The following PKM variants were observed in gnomAD, a reference collection of about 807,000 sequenced individuals.
PKM encodes the protein pyruvate kinase PKM.
In PKM, 18 loss-of-function variants were observed where a neutral mutation model predicts 49.8. The observed-to-expected ratio is 0.36, with a 90% CI of 0.25 to 0.54. The LOEUF is 0.54. Among genes scored for constraint, PKM ranks in the 20% least tolerant of loss-of-function variants. The pLI is 0.89. For missense variants in PKM, 508 were observed against 713.8 expected, an observed-to-expected ratio of 0.71 and a Z score of 3.28; for synonymous variants, 239 against 261.8, an observed-to-expected ratio of 0.91 and a Z score of 0.84.
rs149798279 is a variant in PKM at position 72,213,725 on chromosome 15, G to A, written c.247-3247C>T. Among the ~76,000 whole-genome samples, 118 of 152,128 alleles carry A rather than the reference G, an allele frequency of 7.8e-4. 1 individual carries two copies. The highest frequency in any genetic ancestry group is 2.2e-3 in the African/African-American group (92 of 41,510). ...GGATTGCAGGTGTGAGCCACCGCACGCCCAGCCCACTTTTTCAACTTCTTA... is the reference window on the plus strand; with the variant it reads ...GGATTGCAGGTGTGAGCCACCGCACACCCAGCCCACTTTTTCAACTTCTTA... On this transcript the variant is annotated intron_variant, in intron 3 of 10. Transcript: ENST00000335181.
Position 72,199,736 on chromosome 15 carries a change from T to C in PKM, c.1510A>G (p.Lys504Glu). Residue 504 changes from lysine (K) to glutamate (E), a missense_variant, in exon 11 of 11, where the codon AAG (lysine) becomes GAG (glutamate). Lys to Glu is a moderately conservative substitution (Grantham distance 56, BLOSUM62 1). Coordinates refer to ENST00000335181, the MANE Select transcript of PKM (RefSeq NM_002654.6). Reference protein sequence around the residue: ...MNVGKARGFFKKGDVVIVLTG... With the variant: ...MNVGKARGFFEKGDVVIVLTG... ...AGCACAATGACCACATCTCCCTTCTTGAAGAAGCCTCGGGCCTTGCCTGGA... is the reference window on the plus strand; with the variant it reads ...AGCACAATGACCACATCTCCCTTCTCGAAGAAGCCTCGGGCCTTGCCTGGA... 1 of 1,613,778 alleles carries C rather than the reference T, an allele frequency of 6.2e-7. No individual in the cohort carries two copies. The highest frequency in any genetic ancestry group is 1.3e-5 in the African/African-American group (1 of 75,030).
intron 3 of PKM, among the ~76,000 whole-genome samples, chr15:72,215,982 G>A (rs1459994208): frequency 6.6e-6 from 1 of 152,116 alleles, no homozygotes; most frequent in Non-Finnish European, 1.5e-5. Context: ...GCTGGACTTG[G>A]TCAGGTCCCC....
chr15:72,211,353 C>T (rs2082249747), intron 3 of PKM, among the ~76,000 whole-genome samples: 1 of 152,180 alleles, frequency 6.6e-6, no homozygotes, highest in Non-Finnish European at 1.5e-5. Flanking sequence ...AGGCGTGAGC[C>T]ACTGCGCCCG....
chr15:72,208,986 T>C, intron 5 of PKM, 95 bp from the exon 6 acceptor site: 1 of 1,291,234 alleles, frequency 7.7e-7, no homozygotes, highest in Non-Finnish European at 1.1e-6. Context: ...AGCTGGGAAG[T>C]GGTGCATTAT....
intron 4 of PKM, 73 bp downstream of exon 4, chr15:72,210,274 A>G: frequency 6.5e-7 from 1 of 1,529,696 alleles, no homozygotes; most frequent in East Asian, 2.3e-5. Context: ...ATGGCAACCC[A>G]GCGCTTTGGA....
chr15:72,202,226 T>C lies in PKM; in HGVS notation c.1307+228A>G. The C allele has an allele frequency of 1.7e-6, 1 of 584,682 alleles. No individual in the cohort carries two copies. Among genetic ancestry groups the C allele is most frequent in the South Asian group, 2.0e-5 (1 of 50,284 alleles). 36.2% of individuals were successfully genotyped at this position (584,682 alleles called of 1,614,324 possible). ...TATGTAATAAATCTCCAGCATAAAT[T>C]TGCTTTTGATCCAAATGTTCTGACA... On this transcript the variant is annotated intron_variant, in intron 9 of 10. Transcript: ENST00000335181. The surrounding 1 kb of genome is among the most constrained non-coding windows in gnomAD (Gnocchi z 4.5).
chr15:72,231,178 G>A lies in PKM; in HGVS notation c.-76C>T, dbSNP rs999893588. On this transcript the variant is annotated 5_prime_UTR_variant, in exon 1 of 11. Coordinates refer to ENST00000335181, the MANE Select transcript of PKM (RefSeq NM_002654.6). ...GAAGAGATCCGGAGCCACGGCGCGT[G>A]CAGCTGCTGTGCAAGGAGCCACTGC... is the stretch of plus-strand genomic sequence containing the variant. 2.1e-5 allele frequency: 6 copies of A among 284,580 alleles called. No homozygotes were observed. The highest frequency in any genetic ancestry group is 3.7e-5 in the Non-Finnish European group (5 of 135,120). 17.6% of individuals were successfully genotyped at this position (284,580 alleles called of 1,614,324 possible).
At chr15:72,213,891 C>A (rs566091765) in intron 3 of PKM, among the ~76,000 whole-genome samples, 2 of 152,296 alleles carry the variant, frequency 1.3e-5, no homozygotes, top group South Asian at 4.1e-4. Context: ...GAAATATTCT[C>A]TTTTCTATTC....
chr15:72,218,923 G>A lies in PKM; in HGVS notation c.154+21C>T, dbSNP rs765862913. On this transcript the variant is annotated intron_variant, in intron 2 of 10. Transcript: ENST00000335181. ...ACTGCCCATGAAGCCCTTTTTTGGG[G>A]GAAGGGGCACACCCACTCACCAATG... 6.2e-6 allele frequency: 10 copies of A among 1,613,646 alleles called. No homozygotes were observed. In the East Asian group the frequency reaches 2.2e-4, roughly 36 times the overall value.
In PKM at chr15:72,231,162, C is replaced by T. The variant is rs1014542322; in HGVS notation, c.-60G>A. On this transcript the variant is annotated 5_prime_UTR_variant, in exon 1 of 11. Transcript: ENST00000335181. ...GCTACGCTGCAAAGACGAAGAGATC[C>T]GGAGCCACGGCGCGTGCAGCTGCTG... is the stretch of plus-strand genomic sequence containing the variant. 8 of 289,014 alleles carry T rather than the reference C, an allele frequency of 2.8e-5. No homozygotes were observed. The highest frequency in any genetic ancestry group is 1.2e-4 in the Admixed American group (3 of 24,552). 17.9% of individuals were successfully genotyped at this position (289,014 alleles called of 1,614,324 possible). A position where few individuals can be genotyped will look rare whatever the true frequency, so the allele number is the denominator to read the frequency against.
chr15:72,214,489 G>A (rs2082328789), intron 3 of PKM, among the ~76,000 whole-genome samples: 1 of 152,162 alleles, frequency 6.6e-6, no homozygotes, highest in African/African-American at 2.4e-5. Context: ...TCTACATTTA[G>A]GTTGTTTAAA....
chr15:72,206,502 G>C (rs2082081887), intron 8 of PKM: 2 of 578,634 alleles, frequency 3.5e-6, no homozygotes, highest in Non-Finnish European at 6.2e-6. Flanking sequence ...GATGCCTCCA[G>C]AGCAGAAGGA....
chr15:72,224,520 A>G (rs78522558), intron 1 of PKM, among the ~76,000 whole-genome samples: 1 of 152,126 alleles, frequency 6.6e-6, no homozygotes. Flanking sequence ...CGAATTAAAG[A>G]AAAAAAAGTT....
intron 1 of PKM, chr15:72,229,721 TC>T (rs1336398835): frequency 3.3e-6 from 4 of 1,195,956 alleles, no homozygotes; most frequent in South Asian, 2.9e-5. Flanking sequence ...GATTGTGAGC[TC>T]GGTGGGCTAT....
chr15:72,210,270 A>G, intron 4 of PKM, 77 bp downstream of exon 4: 1 of 1,503,614 alleles, frequency 6.7e-7, no homozygotes. Context: ...AAACATGGCA[A>G]CCCAGCGCTT....
chr15:72,227,774 AC>A (rs55871620), intron 1 of PKM, among the ~76,000 whole-genome samples: 2,647 of 26,984 alleles, frequency 0.098, 889 homozygotes, highest in Non-Finnish European at 0.15. Context: ...AAAAAAAAAA[AC>A]AAAAAACTGA....
In PKM at chr15:72,202,165, T is replaced by C; in HGVS notation, c.1307+289A>G. 1 of 463,898 alleles carries C rather than the reference T, an allele frequency of 2.2e-6. No homozygotes were observed. The highest frequency in any genetic ancestry group is 2.6e-5 in the South Asian group (1 of 38,790). 28.7% of individuals were successfully genotyped at this position (463,898 alleles called of 1,614,324 possible). ...CAATTTTAGAGGACTAAATTTTCAA[T>C]ATCAAATAACCATTTGTAGTCAGCC... On this transcript the variant is annotated intron_variant, in intron 9 of 10. Coordinates refer to ENST00000335181, the MANE Select transcript of PKM (RefSeq NM_002654.6). The surrounding 1 kb of genome is among the most constrained non-coding windows in gnomAD (Gnocchi z 4.5).
In PKM at chr15:72,202,263, T is replaced by G; in HGVS notation, c.1307+191A>C. The G allele has an allele frequency of 8.0e-6, 5 of 624,320 alleles. No homozygotes were observed. Among genetic ancestry groups the G allele is most frequent in the Non-Finnish European group, 1.1e-5 (4 of 351,028 alleles). The allele number at this position is 624,320 out of a possible 1,614,324, so 38.7% of individuals were successfully genotyped here. The stretch of plus-strand genomic sequence containing the variant: ...CAAATGTTCTGACATTCCTTATGAG[T>G]GCTACCTAGAGTCCTTTGGGCCCAG... On this transcript the variant is annotated intron_variant, in intron 9 of 10. Transcript: ENST00000335181. This position sits in a 1 kb window ranked among gnomAD's most constrained non-coding sequence, Gnocchi z 4.5.
chr15:72,208,704 G>C lies in PKM; in HGVS notation c.753C>G (p.Val251=). The part of the protein sequence containing the change: ...FASFIRKASD[V]HEVRKVLGEK... ...CTCCCAGGACCTTCCTAACTTCATG[G>C]ACATCAGATGCCTTGCGGATGAATG... is the stretch of plus-strand genomic sequence containing the variant. The change falls in exon 6 of 11, where the codon GTC becomes GTG. Residue 251 remains valine, a synonymous_variant. Transcript: ENST00000335181. The C allele has an allele frequency of 1.9e-6, 3 of 1,614,068 alleles. No homozygotes were observed. Among genetic ancestry groups the C allele is most frequent in the Non-Finnish European group, 2.5e-6 (3 of 1,180,002 alleles).
Sources: gnomAD v4.1 joint callset for allele counts (sites outside exome capture counted in the v4.1 genomes callset) on GRCh38, gnomAD v4.1.1 for gene constraint, Gnocchi (gnomAD v3.1) non-coding constraint, MANE v1.5 for transcripts, NCBI Gene and HGNC (gene_info 2026-07-23, HGNC 2026-07-21) for gene names.